ZC3H18: variants seen among roughly 807,000 people sequenced by gnomAD.
ZC3H18 encodes the protein zinc finger CCCH domain-containing protein 18.
ZC3H18 carries 8 observed loss-of-function variants against 106.1 expected under a neutral mutation model. The observed-to-expected ratio is 0.08, with a 90% CI of 0.04 to 0.14. The LOEUF (loss-of-function observed/expected upper bound fraction) is 0.14, where lower values mean the gene tolerates loss of function less well. Among genes scored for constraint, ZC3H18 ranks in the 10% least tolerant of loss-of-function variants. The pLI is 1.00. For missense variants in ZC3H18, 1,318 were observed against 1,278.4 expected, an observed-to-expected ratio of 1.03 and a Z score of -0.47; for synonymous variants, 635 against 522.1, an observed-to-expected ratio of 1.22 and a Z score of -2.95.
In ZC3H18 at chr16:88,624,504, A is replaced by G. The variant is rs1597359031; in HGVS notation, c.1899-98A>G. The G allele has an allele frequency of 4.5e-6, 7 of 1,563,710 alleles. No individual in the cohort carries two copies. In the Middle Eastern group the frequency reaches 6.7e-4, roughly 151 times the overall value. On this transcript the variant is annotated intron_variant, in intron 11 of 17. Coordinates refer to ENST00000301011, the MANE Select transcript of ZC3H18 (RefSeq NM_144604.4). Reference sequence around the variant, plus strand: ...TGCTCACCGAGCGTCACAGGCATGCAGTGTCGTTCCCCGAGCTGTGGGTCC... The same window carrying G: ...TGCTCACCGAGCGTCACAGGCATGCGGTGTCGTTCCCCGAGCTGTGGGTCC...
chr16:88,625,588 G>A (rs140478757), intron 13 of ZC3H18: 265 of 363,250 alleles, frequency 7.3e-4, no homozygotes, highest in African/African-American at 4.7e-3. Context: ...GGGAGGAGCC[G>A]GCAGCTTCCA....
intron 13 of ZC3H18, chr16:88,626,768 G>T (rs1422030297): frequency 6.6e-6 from 1 of 152,226 alleles, no homozygotes; most frequent in Admixed American, 6.5e-5. Context: ...TGGAAGACGT[G>T]GTTGGTGTTT....
chr16:88,619,926 A>G (rs138335558), intron 8 of ZC3H18, among the ~76,000 whole-genome samples: 2 of 152,212 alleles, frequency 1.3e-5, no homozygotes, highest in Admixed American at 1.3e-4. Context: ...AGCCTGTGAC[A>G]GGGAGGATCA....
chr16:88,584,758 G>A (rs142855381), intron 2 of ZC3H18, among the ~76,000 whole-genome samples: 4 of 152,284 alleles, frequency 2.6e-5, no homozygotes, highest in South Asian at 4.1e-4. Flanking sequence ...ATCTTAAGGT[G>A]GTTACATTGT....
At chr16:88,587,549 G>A (rs1308797553) in intron 3 of ZC3H18, 1 of 1,536,058 alleles carries the variant, frequency 6.5e-7, no homozygotes, top group Non-Finnish European at 8.7e-7. Context: ...CAGATGTTGT[G>A]ACACCATTAT....
chr16:88,598,393 T>TA, intron 4 of ZC3H18, 67 bp downstream of exon 4: 2 of 1,546,598 alleles, frequency 1.3e-6, no homozygotes, highest in East Asian at 4.5e-5. Flanking sequence ...ATCTCAAGCT[T>TA]AAGACAAGTC....
intron 2 of ZC3H18, among the ~76,000 whole-genome samples, chr16:88,582,155 C>T (rs981064414): frequency 2.0e-5 from 3 of 148,948 alleles, no homozygotes; most frequent in South Asian, 2.2e-4. Flanking sequence ...CCTTTTGGAA[C>T]ATTTTCTTTG....
intron 10 of ZC3H18, 173 bp downstream of exon 10, chr16:88,623,517 C>A (rs1019505405): frequency 1.4e-5 from 12 of 839,752 alleles, no homozygotes; most frequent in Non-Finnish European, 2.2e-5. Context: ...AAACACCAGC[C>A]TTGCGGGCCC....
At chr16:88,574,873 A>G (rs1006763415) in intron 1 of ZC3H18, among the ~76,000 whole-genome samples, 1 of 142,994 alleles carries the variant, frequency 7.0e-6, no homozygotes, top group Admixed American at 7.3e-5. Context: ...TCTGTCGCCC[A>G]GGCTGGAGTG....
intron 8 of ZC3H18, among the ~76,000 whole-genome samples, chr16:88,618,186 CTTTT>C (rs538070999): frequency 7.0e-6 from 1 of 143,786 alleles, no homozygotes; most frequent in East Asian, 2.0e-4. Context: ...TTGGACTCCA[CTTTT>C]TTTTTTTTTT....
At chr16:88,616,735 C>G (rs1050399391) in intron 8 of ZC3H18, among the ~76,000 whole-genome samples, 6 of 152,050 alleles carry the variant, frequency 3.9e-5, no homozygotes, top group Admixed American at 1.3e-4. Context: ...CTTTTCTCAC[C>G]TAAACTGGAA....
At chr16:88,610,059 A>G (rs535163938) in intron 7 of ZC3H18, among the ~76,000 whole-genome samples, 38 of 152,178 alleles carry the variant, frequency 2.5e-4, no homozygotes, top group Non-Finnish European at 4.6e-4. Flanking sequence ...CAGCTTGTTA[A>G]GTCTGTTCCG....
At chr16:88,615,464 C>T (rs558405585) in intron 8 of ZC3H18, among the ~76,000 whole-genome samples, 1 of 152,202 alleles carries the variant, frequency 6.6e-6, no homozygotes, top group Non-Finnish European at 1.5e-5. Flanking sequence ...CAGGTTGGTG[C>T]TTACCCACAT....
At chr16:88,576,158 C>T (rs1250215621) in intron 1 of ZC3H18, among the ~76,000 whole-genome samples, 1 of 152,074 alleles carries the variant, frequency 6.6e-6, no homozygotes, top group African/African-American at 2.4e-5. Flanking sequence ...CCTCGGGCCT[C>T]CCAAAGTGCT....
At chr16:88,601,027 G>C (rs1295323741) in intron 6 of ZC3H18, among the ~76,000 whole-genome samples, 2 of 152,228 alleles carry the variant, frequency 1.3e-5, no homozygotes, top group African/African-American at 4.8e-5. Context: ...TGCACTCCAG[G>C]ATTTGGTCCT....
At chr16:88,606,698 A>G (rs1905025620) in intron 6 of ZC3H18, among the ~76,000 whole-genome samples, 1 of 152,150 alleles carries the variant, frequency 6.6e-6, no homozygotes, top group African/African-American at 2.4e-5. Flanking sequence ...GCCTGATGTC[A>G]TATTGCCACA....
rs778611999 is a variant in ZC3H18, at chr16:88,586,712, G to A, written c.688+28G>A. ...AATTGTCTGCGTGTGAGGCCTTCTC[G>A]CAGCCAGCTGGGGCCCCACCTTCTG... On this transcript the variant is annotated intron_variant, in intron 3 of 17. Coordinates refer to ENST00000301011, the MANE Select transcript of ZC3H18 (RefSeq NM_144604.4). 16 of 1,603,972 alleles carry A rather than the reference G, an allele frequency of 1.0e-5. No homozygotes were observed. The South Asian group carries it at 1.2e-4, about 12-fold the overall frequency.
At chr16:88,578,204 G>C (rs1450279548) in intron 2 of ZC3H18, among the ~76,000 whole-genome samples, 1 of 152,178 alleles carries the variant, frequency 6.6e-6, no homozygotes, top group Admixed American at 6.5e-5. Flanking sequence ...GCTGGTCCTA[G>C]AGCCTGACCT....
At chr16:88,576,968 G>A (rs539655742) in intron 1 of ZC3H18, 142 bp from the exon 2 acceptor site, 14 of 773,946 alleles carry the variant, frequency 1.8e-5, no homozygotes, top group East Asian at 8.4e-5. Context: ...GTCTTTCTCT[G>A]CAGAGTGGAG....
Sources: allele counts gnomAD v4.1 joint callset (sites outside exome capture counted in the v4.1 genomes callset), GRCh38; gene constraint gnomAD v4.1.1; transcripts MANE v1.5; gene names NCBI Gene and HGNC (gene_info 2026-07-23, HGNC 2026-07-21).